The following TEC variants were observed in gnomAD, a reference collection of about 807,000 sequenced individuals.
TEC encodes tec protein tyrosine kinase.
TEC carries 72 observed loss-of-function variants against 93.0 expected under a neutral mutation model. The observed-to-expected ratio is 0.77, with a 90% CI of 0.64 to 0.94. The LOEUF is 0.94. TEC is among the 40% of genes least tolerant of loss of function. TEC has a pLI of 0.00. For synonymous variants in TEC, 249 were observed against 247.7 expected (o/e 1.01, Z -0.05); for missense variants, 630 against 757.9 (o/e 0.83, Z 1.98).
intron 1 of TEC, among the ~76,000 whole-genome samples, chr4:48,266,739 G>A (rs1201302402): frequency 5.3e-5 from 8 of 151,876 alleles, no homozygotes; most frequent in African/African-American, 1.7e-4. Context: ...TCAGGAAGCC[G>A]AGGCAGGAGA....
chr4:48,219,069 C>G (rs1307304031), intron 2 of TEC, among the ~76,000 whole-genome samples: 17 of 152,054 alleles, frequency 1.1e-4, no homozygotes, highest in Admixed American at 6.5e-5. Flanking sequence ...TAGAGAGGAC[C>G]ATGAAGAATT....
At chr4:48,148,281 G>GA (rs763353304) in intron 11 of TEC, among the ~76,000 whole-genome samples, 4 of 151,660 alleles carry the variant, frequency 2.6e-5, no homozygotes, top group African/African-American at 7.3e-5. Flanking sequence ...ATTATTATCT[G>GA]AAAAAAAAGT....
chr4:48,257,233 C>CACTTTCCTTTTTTAAGGTG (rs1724367800), intron 1 of TEC, among the ~76,000 whole-genome samples: 1 of 152,084 alleles, frequency 6.6e-6, no homozygotes, highest in Non-Finnish European at 1.5e-5. Context: ...TCACCTGTTG[C>CACTTTCCTTTTTTAAGGTG]ACTTTCCTTT....
intron 2 of TEC, among the ~76,000 whole-genome samples, chr4:48,215,793 C>T (rs565767685): frequency 1.3e-5 from 2 of 152,072 alleles, no homozygotes; most frequent in Non-Finnish European, 2.9e-5. Flanking sequence ...AATTAGAGTC[C>T]TTATCCACTG....
intron 3 of TEC, among the ~76,000 whole-genome samples, chr4:48,172,167 CA>C (rs1425364799): frequency 1.3e-5 from 2 of 152,188 alleles, no homozygotes; most frequent in African/African-American, 4.8e-5. Context: ...GGCAATTAGA[CA>C]GTCTTATTTT....
rs574823662 is a variant in TEC at position 48,236,357 on chromosome 4, T to C, written c.-45-7698A>G. 1.4e-4 allele frequency among the ~76,000 whole-genome samples: 21 copies of C among 151,912 alleles called. No individual in the cohort carries two copies. The East Asian group carries it at 3.5e-3, about 25-fold the overall frequency. ...AGTGCAGTGGCGCAATCTCGGCTCA[T>C]GGCAAGCTCCACCTCCCGGGTTCAC... is the stretch of plus-strand genomic sequence containing the variant. On this transcript the variant is annotated intron_variant, in intron 1 of 17. Transcript: ENST00000381501.
rs2271175 is a variant in TEC, at chr4:48,150,845, A to C, written c.872+18T>G. ...ACAAAAACTCTAAATTATAAAAAAAAATGGCAGGATTACTCACCCTCCAAA... is the reference window on the plus strand; with the variant it reads ...ACAAAAACTCTAAATTATAAAAAAACATGGCAGGATTACTCACCCTCCAAA... On this transcript the variant is annotated intron_variant, in intron 10 of 17. Transcript: ENST00000381501. 4.0e-3 allele frequency: 6,029 copies of C among 1,490,084 alleles called. 236 individuals are homozygous for C. In the East Asian group the frequency reaches 0.079, roughly 20 times the overall value. 92.3% of individuals were successfully genotyped at this position (1,490,084 alleles called of 1,614,324 possible).
chr4:48,237,698 T>C (rs1346624584), intron 1 of TEC, among the ~76,000 whole-genome samples: 1 of 152,220 alleles, frequency 6.6e-6, no homozygotes, highest in Non-Finnish European at 1.5e-5. Context: ...AGCAATATTA[T>C]ATAATTCAAT....
At chr4:48,204,368 G>C (rs896392773) in intron 2 of TEC, among the ~76,000 whole-genome samples, 24 of 152,178 alleles carry the variant, frequency 1.6e-4, no homozygotes, top group Non-Finnish European at 1.5e-5. Flanking sequence ...CCCACCTGTT[G>C]TCACAGCTCA....
At chr4:48,145,665 G>A (rs1719878305) in intron 12 of TEC, 86 bp from the exon 13 acceptor site, 5 of 1,404,400 alleles carry the variant, frequency 3.6e-6, no homozygotes, top group Admixed American at 3.7e-5. Flanking sequence ...CTACAACCAA[G>A]ATCAACCTCA....
intron 2 of TEC, among the ~76,000 whole-genome samples, chr4:48,227,240 C>T (rs1723496685): frequency 6.6e-6 from 1 of 152,006 alleles, no homozygotes; most frequent in African/African-American, 2.4e-5. Flanking sequence ...AAACACAATG[C>T]CATTCTATCT....
chr4:48,156,681 T>C lies in TEC; in HGVS notation c.791A>G (p.Glu264Gly). Residue 264 changes from glutamate to glycine, a missense_variant and splice_region_variant, in exon 9 of 18, where the codon GAA (glutamate) becomes GGA (glycine). Glu to Gly is a moderately conservative substitution (Grantham distance 98). Coordinates refer to ENST00000381501, the MANE Select transcript of TEC (RefSeq NM_003215.3). ...AAACCCACAAGTACAAACACTTACTTCACTGCGGAGGAGTTGCTCTGCCTT... is the reference window on the plus strand; with the variant it reads ...AAACCCACAAGTACAAACACTTACTCCACTGCGGAGGAGTTGCTCTGCCTT... Reference protein sequence around the residue: ...RSKAEQLLRSEDKEGGFMVRD... With the variant: ...RSKAEQLLRSGDKEGGFMVRD... The C allele has an allele frequency of 1.9e-6, 3 of 1,610,884 alleles. No homozygotes were observed. Among genetic ancestry groups the C allele is most frequent in the Non-Finnish European group, 2.5e-6 (3 of 1,179,112 alleles).
rs372341157 is a variant in TEC at position 48,141,680 on chromosome 4, TC to T, written c.1471-262del. On this transcript the variant is annotated intron_variant, in intron 14 of 17. Coordinates refer to ENST00000381501, the MANE Select transcript of TEC (RefSeq NM_003215.3). The stretch of plus-strand genomic sequence containing the variant: ...TACCAATTGTCTTTTTTTTTTCTTT[TC>T]TTTCTTTTTTTTTTTTTTGAGACAG... 6.3e-3 allele frequency: 1,969 copies of T among 311,364 alleles called. 43 individuals are homozygous for T. The highest frequency in any genetic ancestry group is 0.043 in the African/African-American group (1,790 of 41,710). 19.3% of individuals were successfully genotyped at this position (311,364 alleles called of 1,614,324 possible). A position where few individuals can be genotyped will look rare whatever the true frequency, so the allele number is the denominator to read the frequency against.
chr4:48,177,771 T>C (rs1004472550), intron 2 of TEC, among the ~76,000 whole-genome samples: 24 of 152,194 alleles, frequency 1.6e-4, no homozygotes, highest in Admixed American at 1.6e-3. Context: ...GATTGGATCA[T>C]GGCCGCAGTT....
intron 2 of TEC, among the ~76,000 whole-genome samples, chr4:48,182,535 C>G (rs1266516514): frequency 8.2e-5 from 12 of 147,234 alleles, no homozygotes; most frequent in African/African-American, 2.0e-4. Context: ...GGGCAATACT[C>G]TGTGTGTGTG....
chr4:48,158,079 T>C (rs1176608363), intron 8 of TEC, among the ~76,000 whole-genome samples: 2 of 152,180 alleles, frequency 1.3e-5, no homozygotes, highest in Admixed American at 1.3e-4. Context: ...TCAGCTCAGC[T>C]CCTCTGGACA....
chr4:48,163,745 T>C lies in TEC; in HGVS notation c.694A>G (p.Asn232Asp). Reference protein sequence around the residue: ...KYGNEGYIPSNYVTGKKSNNL... With the variant: ...KYGNEGYIPSDYVTGKKSNNL... The stretch of plus-strand genomic sequence containing the variant: ...TTTGATTTCTTTCCCGTTACGTAAT[T>C]ACTTGGGATATATCCTTCATTCCTA... Residue 232 changes from asparagine (N) to aspartate (D), a missense_variant, in exon 8 of 18, where the codon AAT (asparagine) becomes GAT (aspartate). Physicochemically the swap from Asn to Asp is conservative, Grantham distance 23. Coordinates refer to ENST00000381501, the MANE Select transcript of TEC (RefSeq NM_003215.3). The C allele has an allele frequency of 6.7e-7, 1 of 1,496,970 alleles. No homozygotes were observed. The highest frequency in any genetic ancestry group is 9.1e-7 in the Non-Finnish European group (1 of 1,097,636). 92.7% of individuals were successfully genotyped at this position (1,496,970 alleles called of 1,614,324 possible).
chr4:48,168,020 T>G, intron 6 of TEC, 67 bp from the exon 7 acceptor site: 1 of 1,420,862 alleles, frequency 7.0e-7, no homozygotes, highest in Non-Finnish European at 9.8e-7. Context: ...ATCAAAACAC[T>G]AAATGAGTCA....
chr4:48,215,354 A>G (rs1037973336), intron 2 of TEC, among the ~76,000 whole-genome samples: 1 of 151,962 alleles, frequency 6.6e-6, no homozygotes, highest in Non-Finnish European at 1.5e-5. Context: ...TAAAAATATA[A>G]AAATTAGCCA....
Sources: gnomAD v4.1 joint callset for allele counts (sites outside exome capture counted in the v4.1 genomes callset) on GRCh38, gnomAD v4.1.1 for gene constraint, MANE v1.5 for transcripts, NCBI Gene and HGNC (gene_info 2026-07-23, HGNC 2026-07-21) for gene names.